The following DAB1 variants were observed in gnomAD, a reference collection of about 807,000 sequenced individuals.
The protein encoded by DAB1 is disabled homolog 1.
In DAB1, 15 loss-of-function variants were observed where a neutral mutation model predicts 64.6. The ratio of observed to expected loss-of-function variants is 0.23; its 90% confidence interval spans 0.16 to 0.36. The LOEUF (loss-of-function observed/expected upper bound fraction) is 0.36. Ranked by LOEUF, DAB1 falls within the 10% of genes least tolerant of loss-of-function variation. The pLI is 1.00. For synonymous variants in DAB1, 235 were observed against 251.9 expected (o/e 0.93, Z 0.64); for missense variants, 596 against 706.7 (o/e 0.84, Z 1.78).
intron 7 of DAB1, among the ~76,000 whole-genome samples, chr1:57,499,216 C>T (rs933225800): frequency 5.3e-5 from 8 of 152,220 alleles, no homozygotes; most frequent in African/African-American, 1.7e-4. Context: ...CCTCGTGATC[C>T]GCCTGCCTCG....
chr1:57,280,201 A>G lies in DAB1; in HGVS notation c.67+10763T>C, dbSNP rs561858777. On this transcript the variant is annotated intron_variant, in intron 2 of 14. Coordinates refer to ENST00000371236, the MANE Select transcript of DAB1 (RefSeq NM_001365792.1). Reference sequence around the variant, plus strand: ...GTCTAAAGGCTATTTTCAAGCTTAAATGAGAAAACATGGACACAAGGACAC... The same window carrying G: ...GTCTAAAGGCTATTTTCAAGCTTAAGTGAGAAAACATGGACACAAGGACAC... Among the ~76,000 whole-genome samples the G allele has an allele frequency of 1.3e-4, 20 of 152,326 alleles. No individual in the cohort carries two copies. The South Asian group carries it at 4.1e-3, about 32-fold the overall frequency.
At chr1:57,065,070 T>TA (rs1557657133) in intron 8 of DAB1, among the ~76,000 whole-genome samples, 1 of 152,136 alleles carries the variant, frequency 6.6e-6, no homozygotes, top group African/African-American at 2.4e-5. Context: ...CAATTATCCC[T>TA]AAAAATGGAG....
At chr1:57,024,766 C>G (rs1009544579) in intron 10 of DAB1, among the ~76,000 whole-genome samples, 3 of 152,200 alleles carry the variant, frequency 2.0e-5, no homozygotes, top group Admixed American at 2.0e-4. Context: ...AAGATCTCTT[C>G]AACCCTTTCT....
intron 7 of DAB1, among the ~76,000 whole-genome samples, chr1:57,440,647 A>G (rs1238058106): frequency 2.6e-5 from 4 of 152,192 alleles, no homozygotes; most frequent in African/African-American, 9.7e-5. Context: ...AAAACCGTTC[A>G]TAGCTCTTGT....
At chr1:58,373,053 C>T (rs1473903078) in intron 3 of DAB1, among the ~76,000 whole-genome samples, 1 of 151,960 alleles carries the variant, frequency 6.6e-6, no homozygotes, top group African/African-American at 2.4e-5. Flanking sequence ...GTGGAAGGAA[C>T]AGGAGTATTT....
rs146427795 is a variant in DAB1 at position 58,096,886 on chromosome 1, T to C, written n.387+53625A>G. On this transcript the variant is annotated intron_variant and non_coding_transcript_variant, in intron 5 of 20. Coordinates refer to the DAB1 transcript ENST00000485760. The stretch of plus-strand genomic sequence containing the variant: ...CTGGCTGACTGGCCAGCCTTCTCAC[T>C]GCAGAGACTGCATTGTGTTTGTACA... Among the ~76,000 whole-genome samples the C allele has an allele frequency of 5.4e-4, 83 of 152,356 alleles. No homozygotes were observed. The East Asian group carries it at 0.015, about 28-fold the overall frequency.
At chr1:58,108,304 G>A (rs1570361802) in intron 5 of DAB1, among the ~76,000 whole-genome samples, 1 of 152,152 alleles carries the variant, frequency 6.6e-6, no homozygotes, top group South Asian at 2.1e-4. Flanking sequence ...TAGTAGAGGT[G>A]GGGATAGACA....
chr1:57,754,221 C>T (rs1648686840), intron 6 of DAB1, among the ~76,000 whole-genome samples: 1 of 152,184 alleles, frequency 6.6e-6, no homozygotes, highest in South Asian at 2.1e-4. Context: ...TATGCAGCTA[C>T]TACATACGTG....
intron 5 of DAB1, among the ~76,000 whole-genome samples, chr1:57,892,322 C>T (rs1010899264): frequency 1.3e-5 from 2 of 152,172 alleles, no homozygotes; most frequent in Non-Finnish European, 2.9e-5. Context: ...TTCACTCACC[C>T]CATGGAATTA....
At chr1:57,074,914 C>T (rs1301547791) in intron 4 of DAB1, among the ~76,000 whole-genome samples, 3 of 152,072 alleles carry the variant, frequency 2.0e-5, no homozygotes, top group Non-Finnish European at 4.4e-5. Context: ...ACAGTGGTAG[C>T]TTTTTCACGG....
chr1:57,394,032 C>T (rs1682609156), intron 1 of DAB1, among the ~76,000 whole-genome samples: 1 of 152,154 alleles, frequency 6.6e-6, no homozygotes, highest in Non-Finnish European at 1.5e-5. Context: ...GGTCACTAGA[C>T]TAGTAGTTCT....
At position 57,748,764 on chromosome 1, in the gene DAB1, T is replaced by G. The variant is rs1648405053; in HGVS notation, n.552-99099A>C. Reference sequence around the variant, plus strand: ...GAAGGTTAGACTAGGTGGCTTCTTCTGAGAATCTTTAGAGTAGGATTCTTT... The same window carrying G: ...GAAGGTTAGACTAGGTGGCTTCTTCGGAGAATCTTTAGAGTAGGATTCTTT... On this transcript the variant is annotated intron_variant and non_coding_transcript_variant, in intron 6 of 20. Transcript: ENST00000485760. 2.7e-5 allele frequency among the ~76,000 whole-genome samples: 3 copies of G among 111,718 alleles called. No homozygotes were observed. In the Admixed American group the frequency reaches 2.9e-4, roughly 11 times the overall value. The allele number at this position is 111,718 out of a possible 152,430, so 73.3% of individuals were successfully genotyped here.
intron 3 of DAB1, among the ~76,000 whole-genome samples, chr1:58,391,995 T>C (rs1644479991): frequency 6.6e-6 from 1 of 152,222 alleles, no homozygotes; most frequent in African/African-American, 2.4e-5. Context: ...AGTGGGCACA[T>C]AGGCATTCAT....
At chr1:58,542,895 C>T (rs1019440400) in intron 1 of DAB1, among the ~76,000 whole-genome samples, 3 of 151,902 alleles carry the variant, frequency 2.0e-5, no homozygotes, top group African/African-American at 7.3e-5. Flanking sequence ...GTATTCCGCA[C>T]AGGAATATAA....
chr1:57,384,532 G>T (rs1681646228), intron 1 of DAB1, among the ~76,000 whole-genome samples: 1 of 152,204 alleles, frequency 6.6e-6, no homozygotes. Context: ...ACTGACAGAT[G>T]AATGGATAAA....
chr1:57,091,738 T>C (rs1489360039), intron 4 of DAB1, among the ~76,000 whole-genome samples: 2 of 152,234 alleles, frequency 1.3e-5, no homozygotes, highest in Non-Finnish European at 2.9e-5. Flanking sequence ...CTGTAAAACA[T>C]GGATAACCAC....
chr1:57,239,795 C>T (rs886569120), intron 2 of DAB1, among the ~76,000 whole-genome samples: 1 of 152,154 alleles, frequency 6.6e-6, no homozygotes, highest in Non-Finnish European at 1.5e-5. Context: ...GATAAATTCT[C>T]TCTTTTCTGA....
At chr1:58,102,877 G>A (rs1651406886) in intron 5 of DAB1, among the ~76,000 whole-genome samples, 1 of 152,156 alleles carries the variant, frequency 6.6e-6, no homozygotes, top group Admixed American at 6.5e-5. Flanking sequence ...TCAGGAAAAT[G>A]CAAAAATTGG....
intron 4 of DAB1, among the ~76,000 whole-genome samples, chr1:58,202,551 C>T (rs1421140813): frequency 2.0e-5 from 3 of 152,172 alleles, no homozygotes; most frequent in Non-Finnish European, 4.4e-5. Flanking sequence ...TGGTTCATGG[C>T]TTCCCCACCT....
Sources: allele counts gnomAD v4.1 joint callset (sites outside exome capture counted in the v4.1 genomes callset), GRCh38; gene constraint gnomAD v4.1.1; transcripts MANE v1.5; gene names NCBI Gene and HGNC (gene_info 2026-07-23, HGNC 2026-07-21).